GPR179: variants seen among roughly 807,000 people sequenced by gnomAD.
GPR179 encodes G protein-coupled receptor 179, also known as probable G protein-coupled receptor 179.
Under a neutral mutation model 70.8 loss-of-function variants are expected in GPR179, and 52 were observed. The ratio of observed to expected loss-of-function variants is 0.73; its 90% confidence interval spans 0.59 to 0.93. GPR179 has a LOEUF of 0.93. Among genes scored for constraint, GPR179 ranks in the 40% least tolerant of loss-of-function variants. GPR179 has a pLI of 0.00. For missense variants in GPR179, 2,734 were observed against 2,966.8 expected (o/e 0.92, Z 1.82); for synonymous variants, 1,123 against 1,169.0 (o/e 0.96, Z 0.80).
chr17:38,342,301 G>T (rs2037455313), intron 1 of GPR179, among the ~76,000 whole-genome samples: 1 of 149,496 alleles, frequency 6.7e-6, no homozygotes, highest in African/African-American at 2.5e-5. Context: ...CAGGCCTGGG[G>T]GCCAAGACCT....
Position 38,329,351 on chromosome 17 carries a change from C to CT in GPR179, c.4217dup (p.Gln1407AlafsTer55), listed in dbSNP as rs886044423. 1 of 1,613,292 alleles carries CT rather than the reference C, an allele frequency of 6.2e-7. No individual in the cohort carries two copies. Among genetic ancestry groups the CT allele is most frequent in the Non-Finnish European group, 8.5e-7 (1 of 1,179,806 alleles). On this transcript the variant is annotated frameshift_variant, in exon 11 of 11. Coordinates refer to ENST00000616987, the MANE Select transcript of GPR179 (RefSeq NM_001004334.4). LOFTEE classifies it low-confidence loss of function (END_TRUNC). ...AAAAGGTTGCTTTCCTGGTTTTCTG[C>CT]TTTTCCTGAGGGAGATCCTTCACTG...
rs886466202 is a variant in GPR179 at position 38,343,313 on chromosome 17, G to A, written c.477C>T (p.His159=). 6.2e-7 allele frequency: 1 copy of A among 1,613,982 alleles called. No individual in the cohort carries two copies. ...LTFNPPPGAS[H]LQLALQATRT... The stretch of plus-strand genomic sequence containing the variant: ...GGGTGGCCTGCAGGGCCAGCTGTAG[G>A]TGGCTGGCCCCTGGTGGAGGGTTAA... Residue 159 remains histidine, a synonymous_variant, in exon 1 of 11, where the codon CAC becomes CAT. Transcript: ENST00000616987. This position sits in a 1 kb window ranked among gnomAD's most constrained non-coding sequence, Gnocchi z 4.2.
rs2037302954 is a variant in GPR179, at chr17:38,327,730, C to T, written c.5839G>A (p.Gly1947Arg). Reference sequence around the variant, plus strand: ...TGTAGCTCATGGCTTGTTTTTTCCCCATCTTCAGTAGTGAATTCTTCTGTG... The same window carrying T: ...TGTAGCTCATGGCTTGTTTTTTCCCTATCTTCAGTAGTGAATTCTTCTGTG... ...ADTEEFTTED[G>R]EKTSHELQSV... Residue 1947 changes from glycine to arginine, a missense_variant, in exon 11 of 11, where the codon GGG becomes AGG. Physicochemically the swap from Gly to Arg is moderately radical, Grantham distance 125 (BLOSUM62 -2). Transcript: ENST00000616987. 3 of 1,614,178 alleles carry T rather than the reference C, an allele frequency of 1.9e-6. No individual in the cohort carries two copies. In the East Asian group the frequency reaches 6.7e-5, roughly 36 times the overall value.
At position 38,343,430 on chromosome 17, in the gene GPR179, C is replaced by G. The variant is rs1466331547; in HGVS notation, c.360G>C (p.Glu120Asp). 6.2e-7 allele frequency: 1 copy of G among 1,614,152 alleles called. No individual in the cohort carries two copies. Among genetic ancestry groups the G allele is most frequent in the South Asian group, 1.1e-5 (1 of 91,088 alleles). The change falls in exon 1 of 11, where the codon GAG becomes GAC. Residue 120 changes from glutamate to aspartate, a missense_variant. By Grantham distance (45) the Glu-to-Asp change is conservative (BLOSUM62 2). Transcript: ENST00000616987. The surrounding 1 kb of genome is among the most constrained non-coding windows in gnomAD (Gnocchi z 4.2). ...ATTCCACATCCTCCTCCACACTGGA[C>G]TCACGGATGTCGTTGGCTTGCAGCA... ...NMLLQANDIR[E>D]SSVEEDVEWY... is the part of the protein sequence containing the mutation.
At position 38,327,806 on chromosome 17, in the gene GPR179, C is replaced by T; in HGVS notation, c.5763G>A (p.Lys1921=). ...TEKGDLRQDP[K]TGSFPEHITQ... The stretch of plus-strand genomic sequence containing the variant: ...TTATGTGTTCTGGGAAGGAACCTGT[C>T]TTTGGGTCTTGTCTCAGGTCCCCCT... The change falls in exon 11 of 11, where the codon AAG becomes AAA. Residue 1921 remains lysine (K), a synonymous_variant. Transcript: ENST00000616987. 3 of 1,614,100 alleles carry T rather than the reference C, an allele frequency of 1.9e-6. No homozygotes were observed. Among genetic ancestry groups the T allele is most frequent in the South Asian group, 2.2e-5 (2 of 91,082 alleles).
In GPR179 at chr17:38,327,274, C is replaced by T; in HGVS notation, c.6295G>A (p.Gly2099Ser). 1 of 1,614,254 alleles carries T rather than the reference C, an allele frequency of 6.2e-7. No homozygotes were observed. The highest frequency in any genetic ancestry group is 8.5e-7 in the Non-Finnish European group (1 of 1,180,050). The change falls in exon 11 of 11, where the codon GGC (glycine) becomes AGC (serine). Residue 2099 changes from glycine to serine, a missense_variant. Transcript: ENST00000616987. ...ACACTGCCTGCTGCCTCAGAACTGCCTCTGCTTCTGTCAGAAGCATCTGGG... is the reference window on the plus strand; with the variant it reads ...ACACTGCCTGCTGCCTCAGAACTGCTTCTGCTTCTGTCAGAAGCATCTGGG... ...PAPDASDRSR[G>S]SSEAAGSVET...
At position 38,331,526 on chromosome 17, in the gene GPR179, C is replaced by T. The variant is rs898641807; in HGVS notation, c.2043G>A (p.Glu681=). 3 of 1,601,136 alleles carry T rather than the reference C, an allele frequency of 1.9e-6. No individual in the cohort carries two copies. Among genetic ancestry groups the T allele is most frequent in the Non-Finnish European group, 2.6e-6 (3 of 1,171,206 alleles). The change falls in exon 11 of 11, where the codon GAG becomes GAA. Residue 681 remains glutamate, a synonymous_variant. Transcript: ENST00000616987. ...CTAGCTGGGCATAGAGCTTCTTCAG[C>T]TCGTCCTGTGGGGCAGCAGGGAGGA... is the stretch of plus-strand genomic sequence containing the variant. ...HSLDPGDIRD[E]LKKLYAQLEV...
chr17:38,337,651 C>CGTA lies in GPR179; in HGVS notation c.970_972dup (p.Tyr324dup), dbSNP rs1451341578. ...TACATACCCCCAGAGGGGCTTGCCC[C>CGTA]GTAGAATCCAGGTCGGCAGCGGCAG... On this transcript the variant is annotated inframe_insertion, in exon 3 of 11. Transcript: ENST00000616987. 6.2e-7 allele frequency: 1 copy of CGTA among 1,605,834 alleles called. No homozygotes were observed. Among genetic ancestry groups the CGTA allele is most frequent in the African/African-American group, 1.3e-5 (1 of 74,378 alleles).
At position 38,325,960 on chromosome 17, in the gene GPR179, C is replaced by G. The variant is rs1246157503; in HGVS notation, c.*505G>C. 6.5e-6 allele frequency: 1 copy of G among 154,798 alleles called. No homozygotes were observed. Among genetic ancestry groups the G allele is most frequent in the East Asian group, 1.9e-4 (1 of 5,230 alleles). The allele number at this position is 154,798 out of a possible 1,614,324, so 9.6% of individuals were successfully genotyped here. Reference sequence around the variant, plus strand: ...TATCTTCCGCTTCAATTAAATGGCTCTTCAGCTTTCTATGGTGGCCTTTAT... The same window carrying G: ...TATCTTCCGCTTCAATTAAATGGCTGTTCAGCTTTCTATGGTGGCCTTTAT... On this transcript the variant is annotated 3_prime_UTR_variant, in exon 11 of 11. Transcript: ENST00000616987.
In GPR179 at chr17:38,329,843, C is replaced by A; in HGVS notation, c.3726G>T (p.Glu1242Asp). 6.2e-7 allele frequency: 1 copy of A among 1,614,002 alleles called. No homozygotes were observed. The highest frequency in any genetic ancestry group is 1.1e-5 in the South Asian group (1 of 91,084). ...SLGSADHRVA[E>D]VCPWEVTESE... ...ATTCAGTGACCTCCCAGGGGCATAC[C>A]TCTGCCACCCTGTGGTCAGCGCTGC... is the stretch of plus-strand genomic sequence containing the variant. Residue 1242 changes from glutamate to aspartate, a missense_variant, in exon 11 of 11, where the codon GAG becomes GAT. By Grantham distance (45) the Glu-to-Asp change is conservative (BLOSUM62 2). Transcript: ENST00000616987.
In GPR179 at chr17:38,339,529, C is replaced by T. The variant is rs150772690; in HGVS notation, c.795-4G>A. On this transcript the variant is annotated splice_region_variant and splice_polypyrimidine_tract_variant and intron_variant, in intron 1 of 10. Coordinates refer to ENST00000616987, the MANE Select transcript of GPR179 (RefSeq NM_001004334.4). Reference sequence around the variant, plus strand: ...TACGTCCATCTGCACCTGCCCCCTACGGCAGTGAATTGGCAATTAGGGGCA... The same window carrying T: ...TACGTCCATCTGCACCTGCCCCCTATGGCAGTGAATTGGCAATTAGGGGCA... 1,175 of 1,609,660 alleles carry T rather than the reference C, an allele frequency of 7.3e-4. 1 individual carries two copies. Among genetic ancestry groups the T allele is most frequent in the Non-Finnish European group, 9.2e-4 (1,082 of 1,176,040 alleles).
intron 1 of GPR179, 59 bp from the exon 2 acceptor site, chr17:38,339,584 C>T (rs1597669540): frequency 8.1e-7 from 1 of 1,241,392 alleles, no homozygotes; most frequent in East Asian, 2.3e-5. Flanking sequence ...GGACGTGTGT[C>T]CCTGGGCGTT....
At chr17:38,339,164 C>T (rs1156669068) in intron 2 of GPR179, among the ~76,000 whole-genome samples, 2 of 151,552 alleles carry the variant, frequency 1.3e-5, no homozygotes, top group Non-Finnish European at 1.5e-5. Context: ...GGAGAGCAGA[C>T]AGGAAGAACA....
At chr17:38,336,637 C>T (rs1715922463) in intron 4 of GPR179, among the ~76,000 whole-genome samples, 1 of 152,212 alleles carries the variant, frequency 6.6e-6, no homozygotes, top group Non-Finnish European at 1.5e-5. Context: ...CACCTCCATC[C>T]TTGCCCCCAT....
At position 38,328,213 on chromosome 17, in the gene GPR179, C is replaced by T; in HGVS notation, c.5356G>A (p.Ala1786Thr). The change falls in exon 11 of 11, where the codon GCT (alanine) becomes ACT (threonine). Residue 1786 changes from alanine (A) to threonine (T), a missense_variant. Physicochemically the swap from Ala to Thr is moderately conservative, Grantham distance 58. Coordinates refer to ENST00000616987, the MANE Select transcript of GPR179 (RefSeq NM_001004334.4). ...PGTLDADGPK[A>T]GFQELDHMGC... is the part of the protein sequence containing the mutation. Reference sequence around the variant, plus strand: ...ATATGATCCAGTTCCTGGAACCCAGCTTTTGGTCCATCAGCATCTAGAGTA... The same window carrying T: ...ATATGATCCAGTTCCTGGAACCCAGTTTTTGGTCCATCAGCATCTAGAGTA... 5.0e-6 allele frequency: 8 copies of T among 1,613,576 alleles called. No homozygotes were observed. The highest frequency in any genetic ancestry group is 5.9e-6 in the Non-Finnish European group (7 of 1,179,998).
At position 38,326,418 on chromosome 17, in the gene GPR179, T is replaced by C. The variant is rs1263198235; in HGVS notation, c.*47A>G. On this transcript the variant is annotated 3_prime_UTR_variant, in exon 11 of 11. Coordinates refer to ENST00000616987, the MANE Select transcript of GPR179 (RefSeq NM_001004334.4). ...GAACACCTGGACTTGGAAAGGGCCT[T>C]GGCTCCTGAAAGCTAGCTCTGTGTT... The C allele has an allele frequency of 4.2e-6, 6 of 1,426,578 alleles. No homozygotes were observed. The highest frequency in any genetic ancestry group is 5.8e-6 in the Non-Finnish European group (6 of 1,042,124). The allele number at this position is 1,426,578 out of a possible 1,614,324, so 88.4% of individuals were successfully genotyped here. A position where few individuals can be genotyped will look rare whatever the true frequency, so the allele number is the denominator to read the frequency against.
In GPR179 at chr17:38,328,976, C is replaced by A. The variant is rs755054258; in HGVS notation, c.4593G>T (p.Gln1531His). ...TVKAVQKLSQ[Q>H]QESVCPREST... is the part of the protein sequence containing the mutation. ...TCTCCCTGGGACAAACTGACTCCTG[C>A]TGTTGACTTAATTTCTGCACTGCTT... Residue 1531 changes from glutamine (Q) to histidine (H), a missense_variant, in exon 11 of 11, where the codon CAG becomes CAT. Coordinates refer to ENST00000616987, the MANE Select transcript of GPR179 (RefSeq NM_001004334.4). 2 of 1,614,068 alleles carry A rather than the reference C, an allele frequency of 1.2e-6. No homozygotes were observed. The highest frequency in any genetic ancestry group is 1.3e-5 in the African/African-American group (1 of 74,926).
Position 38,334,070 on chromosome 17 carries a change from G to T in GPR179, c.1785-32C>A. ...CGGGATAGGGGCGCAGGTCATTACTGCAGGCAGGAGTTGCCTCTTCTGCTT... is the reference window on the plus strand; with the variant it reads ...CGGGATAGGGGCGCAGGTCATTACTTCAGGCAGGAGTTGCCTCTTCTGCTT... On this transcript the variant is annotated intron_variant, in intron 8 of 10. Transcript: ENST00000616987. The surrounding 1 kb of genome is among the most constrained non-coding windows in gnomAD (Gnocchi z 4.7). 1 of 1,461,932 alleles carries T rather than the reference G, an allele frequency of 6.8e-7. No homozygotes were observed. Among genetic ancestry groups the T allele is most frequent in the Non-Finnish European group, 9.6e-7 (1 of 1,042,138 alleles). The allele number at this position is 1,461,932 out of a possible 1,614,324, so 90.6% of individuals were successfully genotyped here.
intron 1 of GPR179, among the ~76,000 whole-genome samples, chr17:38,342,317 T>A (rs1306858800): frequency 2.7e-5 from 4 of 150,886 alleles, no homozygotes; most frequent in Non-Finnish European, 4.4e-5. Context: ...GACCTCTGCC[T>A]GTCTATACTG....
Sources: allele counts gnomAD v4.1 joint callset (sites outside exome capture counted in the v4.1 genomes callset), GRCh38; gene constraint gnomAD v4.1.1; non-coding constraint Gnocchi (gnomAD v3.1); transcripts MANE v1.5; gene names NCBI Gene and HGNC (gene_info 2026-07-23, HGNC 2026-07-21).